Variants in THEM4 observed in about 807,000 individuals in gnomAD.
THEM4 encodes the protein thioesterase superfamily member 4.
In THEM4, 22 loss-of-function variants were observed where a neutral mutation model predicts 25.0. The ratio of observed to expected loss-of-function variants is 0.88; its 90% CI spans 0.63 to 1.26. THEM4 has a LOEUF of 1.26. Among genes scored for constraint, THEM4 ranks in the 50% most tolerant of loss-of-function variants. The pLI is 0.00. For missense variants in THEM4, 286 were observed against 300.3 expected, an observed-to-expected ratio of 0.95 and a Z score of 0.35; for synonymous variants, 113 against 105.6, an observed-to-expected ratio of 1.07 and a Z score of -0.43.
At position 151,906,338 on chromosome 1, in the gene THEM4, G is replaced by A. The variant is rs190449094; in HGVS notation, c.99+3022C>T. 5.0e-3 allele frequency among the ~76,000 whole-genome samples: 764 copies of A among 152,364 alleles called. 3 individuals are homozygous for A. Among genetic ancestry groups the A allele is most frequent in the Non-Finnish European group, 9.3e-3 (636 of 68,022 alleles). On this transcript the variant is annotated intron_variant, in intron 1 of 5. Transcript: ENST00000368814. ...AGCAGTGCCGGCCCACTGGCGCTGC[G>A]CTCGATTTCTCACTGGGCCTTACCT...
At chr1:151,885,096 TTTATTTATTTATTTA>T (rs1310720329) in intron 4 of THEM4, among the ~76,000 whole-genome samples, 1 of 7,744 alleles carries the variant, frequency 1.3e-4, no homozygotes, top group Non-Finnish European at 7.4e-4. Flanking sequence ...TATTTATTTA[TTTATTTATTTATTTA>T]TTTATTTATT....
At chr1:151,905,275 CTTCCTCTGCTGAGGTTT>C in intron 1 of THEM4, among the ~76,000 whole-genome samples, 1 of 152,300 alleles carries the variant, frequency 6.6e-6, no homozygotes, top group East Asian at 1.9e-4. Context: ...GCAGCTCCCT[CTTCCTCTGCTGAGGTTT>C]TTCTCTTTTT....
chr1:151,895,142 G>A lies in THEM4; in HGVS notation c.152C>T (p.Pro51Leu), dbSNP rs748787685. Reference sequence around the variant, plus strand: ...CAGTCTTAGGTCCTTGTTCCAGCTGGGGTTGGGGACAGAACAGTCCTTAAG... The same window carrying A: ...CAGTCTTAGGTCCTTGTTCCAGCTGAGGTTGGGGACAGAACAGTCCTTAAG... ...VILKDCSVPN[P>L]SWNKDLRLLF... Residue 51 changes from proline (P) to leucine (L), a missense_variant, in exon 2 of 6, where the codon CCC (proline) becomes CTC (leucine). Pro to Leu is a moderately conservative substitution (Grantham distance 98). Coordinates refer to ENST00000368814, the MANE Select transcript of THEM4 (RefSeq NM_053055.5). The A allele has an allele frequency of 6.2e-7, 1 of 1,614,056 alleles. No homozygotes were observed. The highest frequency in any genetic ancestry group is 1.1e-5 in the South Asian group (1 of 91,074).
rs771288889 is a variant in THEM4, at chr1:151,894,914, C to T, written c.286+94G>A. The T allele has an allele frequency of 5.6e-5, 74 of 1,329,194 alleles. No individual in the cohort carries two copies. In the East Asian group the frequency reaches 1.6e-3, roughly 29 times the overall value. 82.3% of individuals were successfully genotyped at this position (1,329,194 alleles called of 1,614,324 possible). ...TAGAACCATAATCCTGCATTATATT[C>T]TTTCTTTTTTTCAGGTAGTAACTAG... On this transcript the variant is annotated intron_variant, in intron 2 of 5. Coordinates refer to ENST00000368814, the MANE Select transcript of THEM4 (RefSeq NM_053055.5).
intron 1 of THEM4, among the ~76,000 whole-genome samples, chr1:151,900,960 T>C (rs1042823643): frequency 2.6e-5 from 4 of 152,258 alleles, no homozygotes; most frequent in South Asian, 2.1e-4. Context: ...CCACAAACAA[T>C]AGCATGAGCA....
At chr1:151,882,241 T>A (rs923315468) in intron 4 of THEM4, among the ~76,000 whole-genome samples, 1 of 152,062 alleles carries the variant, frequency 6.6e-6, no homozygotes, top group Non-Finnish European at 1.5e-5. Context: ...CCGGGCATGG[T>A]GGCATGTGCC....
intron 2 of THEM4, among the ~76,000 whole-genome samples, chr1:151,892,477 G>A (rs975006543): frequency 6.6e-6 from 1 of 152,142 alleles, no homozygotes; most frequent in African/African-American, 2.4e-5. Context: ...TGTGTGATGT[G>A]CTAACAGTTG....
At position 151,872,324 on chromosome 1, in the gene THEM4, T is replaced by C. The variant is rs1572069526; in HGVS notation, c.*2564A>G. ...GACTGGGTAGGGTACCACAAGGCTG[T>C]CCCTAAGTTATTAGGTTGAACCATA... is the stretch of plus-strand genomic sequence containing the variant. On this transcript the variant is annotated 3_prime_UTR_variant, in exon 6 of 6. Coordinates refer to ENST00000368814, the MANE Select transcript of THEM4 (RefSeq NM_053055.5). Among the ~76,000 whole-genome samples the C allele has an allele frequency of 6.6e-6, 1 of 152,226 alleles. No homozygotes were observed. Among genetic ancestry groups the C allele is most frequent in the East Asian group, 1.9e-4 (1 of 5,194 alleles).
At chr1:151,904,304 C>G (rs1479432310) in intron 1 of THEM4, among the ~76,000 whole-genome samples, 1 of 151,972 alleles carries the variant, frequency 6.6e-6, no homozygotes, top group Non-Finnish European at 1.5e-5. Flanking sequence ...TTCCAAAGAC[C>G]AGCATGAAAA....
At chr1:151,875,999 C>A (rs1653663492) in intron 5 of THEM4, among the ~76,000 whole-genome samples, 1 of 152,106 alleles carries the variant, frequency 6.6e-6, no homozygotes, top group South Asian at 2.1e-4. Context: ...TAGTCAGAGG[C>A]CTGTCACTGG....
chr1:151,908,772 G>A (rs1432032342), intron 1 of THEM4, among the ~76,000 whole-genome samples: 1 of 152,154 alleles, frequency 6.6e-6, no homozygotes, highest in Non-Finnish European at 1.5e-5. Flanking sequence ...GCCTGCATAA[G>A]AGGGGCGATC....
intron 2 of THEM4, among the ~76,000 whole-genome samples, chr1:151,892,743 C>A (rs1198411832): frequency 6.6e-6 from 1 of 152,088 alleles, no homozygotes; most frequent in Non-Finnish European, 1.5e-5. Flanking sequence ...GAATTTGAAC[C>A]CAGGCACTAA....
chr1:151,906,501 C>A (rs1654471526), intron 1 of THEM4, among the ~76,000 whole-genome samples: 1 of 152,234 alleles, frequency 6.6e-6, no homozygotes. Flanking sequence ...CCATCGAGCA[C>A]CCAAGGGCTG....
At position 151,909,054 on chromosome 1, in the gene THEM4, T is replaced by C. The variant is rs148804945; in HGVS notation, c.99+306A>G. On this transcript the variant is annotated intron_variant, in intron 1 of 5. Coordinates refer to ENST00000368814, the MANE Select transcript of THEM4 (RefSeq NM_053055.5). ...AAATAAAAACAGCCTCAAATATTAT[T>C]GGTAAAATACAGATGTTGTCAAAAT... 5.8e-3 allele frequency among the ~76,000 whole-genome samples: 880 copies of C among 152,352 alleles called. 8 individuals are homozygous for C. The highest frequency in any genetic ancestry group is 0.02 in the African/African-American group (842 of 41,568).
chr1:151,873,713 T>C lies in THEM4; in HGVS notation c.*1175A>G, dbSNP rs1653606165. 6.6e-6 allele frequency: 1 copy of C among 152,222 alleles called. No individual in the cohort carries two copies. Among genetic ancestry groups the C allele is most frequent in the African/African-American group, 2.4e-5 (1 of 41,532 alleles). 9.4% of individuals were successfully genotyped at this position (152,222 alleles called of 1,614,324 possible). A position where few individuals can be genotyped will look rare whatever the true frequency, so the allele number is the denominator to read the frequency against. On this transcript the variant is annotated 3_prime_UTR_variant, in exon 6 of 6. Coordinates refer to ENST00000368814, the MANE Select transcript of THEM4 (RefSeq NM_053055.5). The stretch of plus-strand genomic sequence containing the variant: ...AAAAGAGGAGACTTGGACACAGAGA[T>C]AGATCTGCACAGAGGGAAGACACTG...
intron 1 of THEM4, among the ~76,000 whole-genome samples, chr1:151,898,945 C>T (rs1654283510): frequency 6.6e-6 from 1 of 152,220 alleles, no homozygotes; most frequent in Non-Finnish European, 1.5e-5. Flanking sequence ...CAGCCTTCAG[C>T]CCTAGACCTT....
intron 4 of THEM4, among the ~76,000 whole-genome samples, chr1:151,883,094 T>TTTTATTTA (rs10639543): frequency 0.58 from 80,699 of 137,948 alleles, 24,590 homozygotes; most frequent in Non-Finnish European, 0.67. Context: ...TGTCAAATGC[T>TTTTATTTA]TTTATTTATT....
At chr1:151,886,075 G>C (rs1474998433) in intron 4 of THEM4, among the ~76,000 whole-genome samples, 2 of 152,186 alleles carry the variant, frequency 1.3e-5, no homozygotes, top group East Asian at 3.9e-4. Flanking sequence ...ACTTTATTCT[G>C]GTCTTTAGTC....
At chr1:151,883,464 GA>G (rs1653890323) in intron 4 of THEM4, among the ~76,000 whole-genome samples, 1 of 151,968 alleles carries the variant, frequency 6.6e-6, no homozygotes, top group Non-Finnish European at 1.5e-5. Flanking sequence ...ACTATCACTA[GA>G]ACAGCATGGG....
Sources: allele counts gnomAD v4.1 joint callset (sites outside exome capture counted in the v4.1 genomes callset), GRCh38; gene constraint gnomAD v4.1.1; transcripts MANE v1.5; gene names NCBI Gene and HGNC (gene_info 2026-07-23, HGNC 2026-07-21).